CCNH: variants seen among roughly 807,000 people sequenced by gnomAD.
CCNH encodes the protein cyclin H.
A neutral mutation model predicts 41.9 loss-of-function variants in CCNH; 31 were observed. That is an observed-to-expected ratio of 0.74 (90% CI 0.56 to 1.00). The LOEUF is 1.00. Ranked by LOEUF, CCNH falls within the 50% of genes least tolerant of loss-of-function variation. The probability of loss-of-function intolerance (pLI) is 0.00; values close to 1 mark genes in which losing one functional copy is unlikely to be tolerated. For missense variants in CCNH, 362 were observed against 388.4 expected, an observed-to-expected ratio of 0.93 and a Z score of 0.57; for synonymous variants, 138 against 136.1, an observed-to-expected ratio of 1.01 and a Z score of -0.10.
downstream of CCNH, among the ~76,000 whole-genome samples, chr5:87,315,055 G>C (rs1449739048): frequency 6.6e-6 from 1 of 152,106 alleles, no homozygotes; most frequent in Non-Finnish European, 1.5e-5. Context: ...AAAGTATAAA[G>C]AGTTTTATAT....
intron 9 of CCNH, among the ~76,000 whole-genome samples, chr5:87,324,829 A>G (rs1263148780): frequency 6.6e-6 from 1 of 152,190 alleles, no homozygotes; most frequent in African/African-American, 2.4e-5. Context: ...TGAATTTACC[A>G]GTGACCCAAT....
chr5:87,328,853 A>G (rs1757414332), intron 9 of CCNH, among the ~76,000 whole-genome samples: 1 of 152,188 alleles, frequency 6.6e-6, no homozygotes, highest in African/African-American at 2.4e-5. Flanking sequence ...TAGGTTCTAG[A>G]AATCTGTAAG....
chr5:87,322,351 C>G (rs1156274030), intron 9 of CCNH, among the ~76,000 whole-genome samples: 2 of 152,126 alleles, frequency 1.3e-5, no homozygotes, highest in African/African-American at 4.8e-5. Context: ...ATTGTGAACT[C>G]CTCACGTGAG....
chr5:87,394,974 C>CTTAACA, intron 8 of CCNH, 70 bp downstream of exon 8: 1 of 1,603,810 alleles, frequency 6.2e-7, no homozygotes, highest in South Asian at 1.1e-5. Context: ...GAGAATAAAT[C>CTTAACA]TTAACAGTAT....
rs199815978 is a variant in CCNH, at chr5:87,408,037, T to G, written c.464A>C (p.Asn155Thr). Reference sequence around the variant, plus strand: ...AGGATTGTGGACAATAAGGTGGAAATTAAGTTGCTGTATAAGAAGTAGTTC... The same window carrying G: ...AGGATTGTGGACAATAAGGTGGAAAGTAAGTTGCTGTATAAGAAGTAGTTC... ...EYELLLIQQLNFHLIVHNPYR... is the reference protein window; with the variant it reads ...EYELLLIQQLTFHLIVHNPYR... Residue 155 changes from asparagine (N) to threonine (T), a missense_variant, in exon 4 of 9, where the codon AAT becomes ACT. Physicochemically the swap from Asn to Thr is moderately conservative, Grantham distance 65 (BLOSUM62 0). Transcript: ENST00000256897. 102 of 1,613,744 alleles carry G rather than the reference T, an allele frequency of 6.3e-5. No homozygotes were observed. The highest frequency in any genetic ancestry group is 8.4e-5 in the Non-Finnish European group (99 of 1,179,786).
chr5:87,338,216 C>G, intron 9 of CCNH: 5 of 1,452,538 alleles, frequency 3.4e-6, no homozygotes, highest in East Asian at 2.4e-5. Flanking sequence ...TTGATAAGTA[C>G]AAGAATTATA....
Position 87,340,300 on chromosome 5 carries a change from C to T in CCNH, c.*91-21403G>A, listed in dbSNP as rs1478500264. 3.9e-5 allele frequency among the ~76,000 whole-genome samples: 6 copies of T among 152,112 alleles called. No homozygotes were observed. In the East Asian group the frequency reaches 1.2e-3, roughly 29 times the overall value. Reference sequence around the variant, plus strand: ...ATTGTTTCCTTCTGTATTTCCATAGCACCTTGCTAATTCTGCATTCTGTTA... The same window carrying T: ...ATTGTTTCCTTCTGTATTTCCATAGTACCTTGCTAATTCTGCATTCTGTTA... On this transcript the variant is annotated intron_variant and NMD_transcript_variant, in intron 9 of 9. Transcript: ENST00000645953.
At chr5:87,374,740 TAAAG>T, downstream of CCNH, 1 of 1,492,700 alleles carries the variant, frequency 6.7e-7, no homozygotes, top group Admixed American at 2.0e-5. Flanking sequence ...TTTTTTTTTT[TAAAG>T]CAGAAATAGG....
chr5:87,398,767 A>T (rs1763157921), intron 7 of CCNH, among the ~76,000 whole-genome samples: 1 of 151,996 alleles, frequency 6.6e-6, no homozygotes, highest in Non-Finnish European at 1.5e-5. Context: ...AGGTCAGGAG[A>T]TTGAGACCAT....
chr5:87,387,584 T>C (rs1446951560), downstream of CCNH, among the ~76,000 whole-genome samples: 2 of 152,114 alleles, frequency 1.3e-5, no homozygotes, highest in Admixed American at 6.6e-5. Flanking sequence ...TACATGTGAA[T>C]AGAGCCAGGT....
chr5:87,336,514 A>G (rs1757982414), intron 9 of CCNH, among the ~76,000 whole-genome samples: 2 of 152,130 alleles, frequency 1.3e-5, no homozygotes, highest in Admixed American at 1.3e-4. Flanking sequence ...TGATTTAATA[A>G]AGCACTTTAG....
rs1214431914 is a variant in CCNH at position 87,399,266 on chromosome 5, T to C, written c.872+128A>G. 3 of 707,848 alleles carry C rather than the reference T, an allele frequency of 4.2e-6. No homozygotes were observed. In the African/African-American group the frequency reaches 5.3e-5, roughly 12 times the overall value. 43.8% of individuals were successfully genotyped at this position (707,848 alleles called of 1,614,324 possible). A position where few individuals can be genotyped will look rare whatever the true frequency, so the allele number is the denominator to read the frequency against. On this transcript the variant is annotated intron_variant, in intron 7 of 8. Coordinates refer to ENST00000256897, the MANE Select transcript of CCNH (RefSeq NM_001239.4). ...AATCTCATTAGAAATGTCCATTCAA[T>C]AAAGAAAATCTGATTTTATGGATCA...
chr5:87,375,018 G>A (rs1761225412), downstream of CCNH: 1 of 1,392,738 alleles, frequency 7.2e-7, no homozygotes, highest in East Asian at 2.5e-5. Context: ...AAACAGAAAT[G>A]CAAGTAGTAT....
intron 9 of CCNH, among the ~76,000 whole-genome samples, chr5:87,352,889 T>A (rs2112430944): frequency 6.6e-6 from 1 of 152,088 alleles, no homozygotes; most frequent in Admixed American, 6.6e-5. Flanking sequence ...TCTTTGAATA[T>A]GGTATTGTTG....
At chr5:87,312,357 T>A in the CCNH span, among the ~76,000 whole-genome samples, 40 of 152,368 alleles carry the variant, frequency 2.6e-4, no homozygotes, top group East Asian at 3.7e-3. Context: ...TTGGTGCTGC[T>A]CTTCTCATAA....
At chr5:87,395,147 C>A in intron 7 of CCNH, 43 bp from the exon 8 acceptor site, 1 of 1,560,862 alleles carries the variant, frequency 6.4e-7, no homozygotes. Context: ...ATACCAGCCA[C>A]AGAAACTATA....
intron 9 of CCNH, among the ~76,000 whole-genome samples, chr5:87,348,234 T>A (rs901783084): frequency 6.6e-6 from 1 of 152,044 alleles, no homozygotes; most frequent in Non-Finnish European, 1.5e-5. Flanking sequence ...TTTTTTCTTT[T>A]TACTGAACAT....
upstream of CCNH, chr5:87,379,984 A>T: frequency 1.1e-6 from 1 of 944,530 alleles, no homozygotes; most frequent in Non-Finnish European, 1.6e-6. Context: ...AATCTTTATG[A>T]GATGAATTGT....
At chr5:87,376,704 T>C in exon 1 of CCNH, 1 of 1,278,412 alleles carries the variant, frequency 7.8e-7, no homozygotes, top group Non-Finnish European at 1.1e-6. Flanking sequence ...CCTTGTTTTA[T>C]ACTGTAATTT....
Sources: allele counts gnomAD v4.1 joint callset (sites outside exome capture counted in the v4.1 genomes callset), GRCh38; gene constraint gnomAD v4.1.1; transcripts MANE v1.5; gene names NCBI Gene and HGNC (gene_info 2026-07-23, HGNC 2026-07-21).